The following MEGF9 variants were observed in gnomAD, a reference collection of about 807,000 sequenced individuals.
MEGF9 encodes the protein multiple epidermal growth factor-like domains protein 9.
MEGF9 carries 6 observed loss-of-function variants against 46.8 expected under a neutral mutation model. That is an observed-to-expected ratio of 0.13 (90% confidence interval 0.07 to 0.25). MEGF9 has a LOEUF of 0.25. MEGF9 is among the 10% of genes least tolerant of loss of function. MEGF9 has a pLI of 1.00. For synonymous variants in MEGF9, 302 were observed against 330.7 expected, an observed-to-expected ratio of 0.91 and a Z score of 0.94; for missense variants, 683 against 792.4, an observed-to-expected ratio of 0.86 and a Z score of 1.66.
chr9:120,630,426 G>A (rs1024504886), intron 2 of MEGF9, among the ~76,000 whole-genome samples: 33 of 152,212 alleles, frequency 2.2e-4, no homozygotes, highest in African/African-American at 8.0e-4. Context: ...TGGACACAGA[G>A]GTTGATTCTG....
At chr9:120,680,692 G>T in intron 1 of MEGF9, among the ~76,000 whole-genome samples, 1 of 152,070 alleles carries the variant, frequency 6.6e-6, no homozygotes, top group East Asian at 1.9e-4. Context: ...GAAGTAAAAA[G>T]TCTTAGCAGT....
At chr9:120,652,167 C>A (rs1399476078) in intron 2 of MEGF9, among the ~76,000 whole-genome samples, 2 of 42,118 alleles carry the variant, frequency 4.7e-5, no homozygotes, top group African/African-American at 1.6e-4. Flanking sequence ...CACACACACA[C>A]ACACACACAC....
At chr9:120,711,867 A>ACACACACC (rs2043955064) in intron 1 of MEGF9, among the ~76,000 whole-genome samples, 1 of 150,192 alleles carries the variant, frequency 6.7e-6, no homozygotes, top group South Asian at 2.1e-4. Flanking sequence ...ACACACACAC[A>ACACACACC]CACACCCACA....
intron 2 of MEGF9, among the ~76,000 whole-genome samples, chr9:120,647,016 C>G (rs1325540351): frequency 6.6e-6 from 1 of 151,914 alleles, no homozygotes; most frequent in East Asian, 1.9e-4. Flanking sequence ...CTAAAACTAA[C>G]TTAATAAAAT....
chr9:120,670,426 T>C lies in MEGF9; in HGVS notation c.602-10851A>G, dbSNP rs77829373. ...AAAGTTCTTTGTACCTTCCACTATG[T>C]ATCCTCTACCGTGTTCCTAGAGCAT... On this transcript the variant is annotated intron_variant, in intron 1 of 5. Transcript: ENST00000373930. Among the ~76,000 whole-genome samples, 42 of 152,278 alleles carry C rather than the reference T, an allele frequency of 2.8e-4. No homozygotes were observed. The East Asian group carries it at 7.9e-3, about 29-fold the overall frequency.
At position 120,711,871 on chromosome 9, in the gene MEGF9, A is replaced by C. The variant is rs76519455; in HGVS notation, c.601+1887T>G. ...CACACACACACACACACACACACAC[A>C]CCCACAGGCCTGGTCATAAGCATAG... On this transcript the variant is annotated intron_variant, in intron 1 of 5. Transcript: ENST00000373930. Among the ~76,000 whole-genome samples the C allele has an allele frequency of 7.2e-3, 1,076 of 150,212 alleles. 12 individuals are homozygous for C. Among genetic ancestry groups the C allele is most frequent in the African/African-American group, 0.017 (705 of 40,384 alleles).
At chr9:120,622,490 G>C in intron 3 of MEGF9, 126 bp downstream of exon 3, 1 of 707,552 alleles carries the variant, frequency 1.4e-6, no homozygotes, top group Non-Finnish European at 2.0e-6. Context: ...CTGTGATCTA[G>C]TACATCCTAC....
Position 120,670,372 on chromosome 9 carries a change from C to T in MEGF9, c.602-10797G>A, listed in dbSNP as rs551530472. Among the ~76,000 whole-genome samples the T allele has an allele frequency of 2.6e-5, 4 of 152,302 alleles. No individual in the cohort carries two copies. The South Asian group carries it at 8.3e-4, about 32-fold the overall frequency. On this transcript the variant is annotated intron_variant, in intron 1 of 5. Coordinates refer to ENST00000373930, the MANE Select transcript of MEGF9 (RefSeq NM_001080497.3). The stretch of plus-strand genomic sequence containing the variant: ...TCAGCCTCCTAAAGTGCTGGGATTA[C>T]AGGCATGAGCCACCGTGCCCGGCCT...
At chr9:120,636,800 C>A (rs2043577963) in intron 2 of MEGF9, among the ~76,000 whole-genome samples, 1 of 151,762 alleles carries the variant, frequency 6.6e-6, no homozygotes, top group Non-Finnish European at 1.5e-5. Context: ...CCGGCAGCCG[C>A]CCCGTCTGGG....
intron 2 of MEGF9, among the ~76,000 whole-genome samples, chr9:120,657,432 C>A (rs1286636676): frequency 2.0e-5 from 3 of 152,068 alleles, no homozygotes; most frequent in African/African-American, 7.2e-5. Flanking sequence ...CTGTTTTTTC[C>A]TCTTTTACAG....
chr9:120,688,379 C>G (rs1327913331), intron 1 of MEGF9, among the ~76,000 whole-genome samples: 1 of 152,114 alleles, frequency 6.6e-6, no homozygotes, highest in Non-Finnish European at 1.5e-5. Flanking sequence ...AACAGCAGGG[C>G]TGTATCAGGT....
chr9:120,623,599 T>A (rs182865506), intron 2 of MEGF9, among the ~76,000 whole-genome samples: 1 of 152,202 alleles, frequency 6.6e-6, no homozygotes, highest in Admixed American at 6.5e-5. Context: ...ATTTATACTA[T>A]CAAGCATGAA....
intron 1 of MEGF9, among the ~76,000 whole-genome samples, chr9:120,704,683 T>A (rs1588001612): frequency 6.6e-6 from 1 of 152,232 alleles, no homozygotes; most frequent in African/African-American, 2.4e-5. Context: ...TAAGCCTTTT[T>A]CATTCATATA....
chr9:120,669,198 T>A (rs1024691487), intron 1 of MEGF9, among the ~76,000 whole-genome samples: 14 of 152,338 alleles, frequency 9.2e-5, no homozygotes, highest in African/African-American at 2.9e-4. Flanking sequence ...AAATTTAGAA[T>A]GTATATACTA....
intron 1 of MEGF9, among the ~76,000 whole-genome samples, chr9:120,681,923 T>TA (rs2043800279): frequency 6.6e-6 from 1 of 152,204 alleles, no homozygotes; most frequent in Non-Finnish European, 1.5e-5. Flanking sequence ...CCGTTGTTTA[T>TA]AGCTCTGCAA....
Position 120,714,062 on chromosome 9 carries a change from G to C in MEGF9, c.297C>G (p.Ser99=). The C allele has an allele frequency of 7.7e-7, 1 of 1,290,588 alleles. No homozygotes were observed. 79.9% of individuals were successfully genotyped at this position (1,290,588 alleles called of 1,614,324 possible). ...TCGCCCAAAGAGGGGTGGTCTCCGG[G>C]GACTGGGCTGGAGAAGTCGCAGCCA... ...RPLAATSPAQ[S]PETTPLWATA... The change falls in exon 1 of 6, where the codon TCC becomes TCG. Residue 99 remains serine, a synonymous_variant. Coordinates refer to ENST00000373930, the MANE Select transcript of MEGF9 (RefSeq NM_001080497.3).
chr9:120,679,979 A>G (rs1222908874), intron 1 of MEGF9, among the ~76,000 whole-genome samples: 1 of 151,232 alleles, frequency 6.6e-6, no homozygotes, highest in Non-Finnish European at 1.5e-5. Context: ...TGCATTCTTC[A>G]GCATGTCAAT....
chr9:120,664,179 A>T (rs926495202), intron 1 of MEGF9, among the ~76,000 whole-genome samples: 2 of 152,090 alleles, frequency 1.3e-5, no homozygotes, highest in Admixed American at 1.3e-4. Flanking sequence ...GAACATACTG[A>T]AGACCTTTTC....
At chr9:120,619,351 A>AAAAAC (rs373159104) in intron 3 of MEGF9, among the ~76,000 whole-genome samples, 6 of 152,246 alleles carry the variant, frequency 3.9e-5, no homozygotes, top group East Asian at 1.9e-4. Context: ...CTGTTTCAGA[A>AAAAAC]AAAACAAAAC....
Sources: allele counts gnomAD v4.1 joint callset (sites outside exome capture counted in the v4.1 genomes callset), GRCh38; gene constraint gnomAD v4.1.1; transcripts MANE v1.5; gene names NCBI Gene and HGNC (gene_info 2026-07-23, HGNC 2026-07-21).